SMCHD1: variants seen among roughly 807,000 people sequenced by gnomAD.
SMCHD1 encodes the protein structural maintenance of chromosomes flexible hinge domain containing 1, also known as structural maintenance of chromosomes flexible hinge domain-containing protein 1.
SMCHD1 carries 78 observed loss-of-function variants against 254.7 expected under a neutral mutation model. That is an observed-to-expected ratio of 0.31 (90% CI 0.26 to 0.37). The LOEUF is 0.37. Among genes scored for constraint, SMCHD1 ranks in the 10% least tolerant of loss-of-function variants. The pLI is 1.00. For synonymous variants in SMCHD1, 766 were observed against 794.9 expected (o/e 0.96, Z 0.61); for missense variants, 1,840 against 2,408.1 (o/e 0.76, Z 4.94).
rs1329994928 is a variant in SMCHD1, at chr18:2,688,430, A to C, written c.675A>C (p.Pro225=). The C allele has an allele frequency of 1.2e-6, 2 of 1,613,736 alleles. No homozygotes were observed. Among genetic ancestry groups the C allele is most frequent in the Non-Finnish European group, 1.7e-6 (2 of 1,179,746 alleles). ...GATATGTTCGTCCAGTACCAGTGCC[A>C]CGCAGTTTAAATAGTGATATTTCCT... ...HSGYVRPVPV[P]RSLNSDISYF... Residue 225 remains proline, a synonymous_variant, in exon 6 of 48, where the codon CCA becomes CCC. Coordinates refer to ENST00000320876, the MANE Select transcript of SMCHD1 (RefSeq NM_015295.3).
chr18:2,739,931 T>G (rs559956653), intron 27 of SMCHD1, among the ~76,000 whole-genome samples: 72 of 70,868 alleles, frequency 1.0e-3, no homozygotes, highest in African/African-American at 2.7e-3. Context: ...AAAAAATTCT[T>G]TTTTTTTTTT....
intron 28 of SMCHD1, among the ~76,000 whole-genome samples, chr18:2,743,074 AATC>A (rs1177616802): frequency 6.6e-6 from 1 of 152,190 alleles, no homozygotes; most frequent in African/African-American, 2.4e-5. Context: ...AAGATGAATA[AATC>A]ATCAAGGGTC....
chr18:2,796,547 T>C (rs1440327641), intron 47 of SMCHD1, 26 bp downstream of exon 47: 6 of 1,459,680 alleles, frequency 4.1e-6, no homozygotes, highest in East Asian at 2.4e-5. Flanking sequence ...CTGAGAATTA[T>C]GCTTGGTTAG....
rs939066250 is a variant in SMCHD1, at chr18:2,740,871, G to C, written c.3633+50G>C. ...TGGTTTGATTTATTCATTGTTATAT[G>C]TGTAACAAAAAGTTTGGGAAAAACT... On this transcript the variant is annotated intron_variant, in intron 28 of 47. Transcript: ENST00000320876. The C allele has an allele frequency of 7.7e-6, 8 of 1,043,356 alleles. No homozygotes were observed. The African/African-American group carries it at 9.8e-5, about 13-fold the overall frequency. 64.6% of individuals were successfully genotyped at this position (1,043,356 alleles called of 1,614,324 possible).
At position 2,705,703 on chromosome 18, in the gene SMCHD1, A is replaced by G; in HGVS notation, c.1852A>G (p.Ile618Val). The G allele has an allele frequency of 6.4e-7, 1 of 1,573,150 alleles. No individual in the cohort carries two copies. Among genetic ancestry groups the G allele is most frequent in the Non-Finnish European group, 8.7e-7 (1 of 1,147,634 alleles). Residue 618 changes from isoleucine (I) to valine (V), a missense_variant, in exon 14 of 48, where the codon ATC becomes GTC. Coordinates refer to ENST00000320876, the MANE Select transcript of SMCHD1 (RefSeq NM_015295.3). Reference protein sequence around the residue: ...IYKAGQLVKTIKTLPLFYGSI... With the variant: ...IYKAGQLVKTVKTLPLFYGSI... ...AAAAACTAAATATTAGGTCAAGACA[A>G]TCAAGACACTTCCCCTCTTTTATGG...
chr18:2,685,588 T>C (rs935135185), intron 5 of SMCHD1, among the ~76,000 whole-genome samples: 1 of 152,176 alleles, frequency 6.6e-6, no homozygotes, highest in East Asian at 1.9e-4. Context: ...ATTGAAGCTT[T>C]ACCCATTAGA....
At chr18:2,677,024 G>A (rs1195737383) in intron 5 of SMCHD1, among the ~76,000 whole-genome samples, 2 of 152,012 alleles carry the variant, frequency 1.3e-5, no homozygotes, top group Non-Finnish European at 2.9e-5. Context: ...CCTAGCTTTT[G>A]TGTTTTTCAT....
chr18:2,716,229 C>T (rs1170450296), intron 17 of SMCHD1, among the ~76,000 whole-genome samples: 4 of 152,116 alleles, frequency 2.6e-5, no homozygotes, highest in Admixed American at 1.3e-4. Flanking sequence ...ATGTATCAGG[C>T]GGGTGAGCAG....
intron 9 of SMCHD1, among the ~76,000 whole-genome samples, chr18:2,697,461 T>A (rs2074308930): frequency 6.6e-6 from 1 of 152,198 alleles, no homozygotes. Flanking sequence ...GGTGACAAGG[T>A]TTAGCAGCAC....
chr18:2,774,045 A>G (rs1467242560), intron 41 of SMCHD1, among the ~76,000 whole-genome samples: 4 of 152,224 alleles, frequency 2.6e-5, no homozygotes, highest in African/African-American at 9.6e-5. Flanking sequence ...AGTAACTTAG[A>G]TATTTTACAC....
At chr18:2,760,174 C>T (rs145827774) in intron 34 of SMCHD1, among the ~76,000 whole-genome samples, 1 of 152,224 alleles carries the variant, frequency 6.6e-6, no homozygotes, top group East Asian at 1.9e-4. Context: ...TTCTTAGGCA[C>T]TGAGTTCATT....
At chr18:2,661,644 G>A (rs2073257898) in intron 1 of SMCHD1, among the ~76,000 whole-genome samples, 1 of 152,112 alleles carries the variant, frequency 6.6e-6, no homozygotes. Context: ...TGAACTATTT[G>A]CTCCAGTGCA....
At chr18:2,760,032 G>C (rs190633773) in intron 34 of SMCHD1, among the ~76,000 whole-genome samples, 2 of 152,288 alleles carry the variant, frequency 1.3e-5, no homozygotes, top group African/African-American at 4.8e-5. Flanking sequence ...CATTGAGCCG[G>C]TATTTTGAGA....
intron 26 of SMCHD1, 98 bp from the exon 27 acceptor site, chr18:2,739,334 T>G: frequency 1.3e-6 from 1 of 798,156 alleles, no homozygotes; most frequent in Non-Finnish European, 2.1e-6. Flanking sequence ...ATTTGAGTTA[T>G]TGGATATGAA....
intron 17 of SMCHD1, among the ~76,000 whole-genome samples, chr18:2,713,964 T>G (rs149766013): frequency 3.3e-4 from 51 of 152,380 alleles, no homozygotes; most frequent in African/African-American, 1.2e-3. Flanking sequence ...ATGTATACTC[T>G]GCATATTGTT....
intron 25 of SMCHD1, 44 bp downstream of exon 25, chr18:2,732,536 A>T: frequency 7.6e-7 from 1 of 1,316,148 alleles, no homozygotes. Flanking sequence ...AACTTTTTAA[A>T]TTTTATGTTT....
At chr18:2,719,833 G>T (rs12959994) in intron 19 of SMCHD1, among the ~76,000 whole-genome samples, 23 of 151,762 alleles carry the variant, frequency 1.5e-4, no homozygotes, top group Admixed American at 4.6e-4. Context: ...ATGCCACCAC[G>T]CCCGGCTAAT....
At chr18:2,705,920 G>T in intron 14 of SMCHD1, 113 bp downstream of exon 14, 1 of 577,886 alleles carries the variant, frequency 1.7e-6, no homozygotes, top group Non-Finnish European at 2.9e-6. Flanking sequence ...TAAAGTGGTT[G>T]TAGTTTTTGT....
intron 8 of SMCHD1, 125 bp downstream of exon 8, chr18:2,694,818 A>G (rs1229986707): frequency 5.4e-6 from 4 of 734,990 alleles, no homozygotes; most frequent in African/African-American, 1.8e-5. Flanking sequence ...TCCCTTTAGT[A>G]TTATCCAGTA....
Sources: gnomAD v4.1 joint callset for allele counts (sites outside exome capture counted in the v4.1 genomes callset) on GRCh38, gnomAD v4.1.1 for gene constraint, MANE v1.5 for transcripts, NCBI Gene and HGNC (gene_info 2026-07-23, HGNC 2026-07-21) for gene names.